WDR11: variants seen among roughly 807,000 people sequenced by gnomAD.
WDR11 encodes WD repeat-containing protein 11.
A neutral mutation model predicts 151.2 loss-of-function variants in WDR11; 83 were observed. The observed-to-expected ratio is 0.55, with a 90% CI of 0.46 to 0.66. WDR11 has a LOEUF of 0.66. WDR11 is among the 30% of genes least tolerant of loss of function. WDR11 has a pLI of 0.00. For synonymous variants in WDR11, 484 were observed against 533.1 expected (o/e 0.91, Z 1.27); for missense variants, 1,301 against 1,480.9 (o/e 0.88, Z 1.99).
In WDR11 at chr10:120,880,912, A is replaced by C. The variant is rs78670447; in HGVS notation, c.1739+11A>C. 8.1e-4 allele frequency: 1,280 copies of C among 1,581,536 alleles called. 14 individuals carry two copies. The East Asian group carries it at 0.026, about 32-fold the overall frequency. On this transcript the variant is annotated intron_variant, in intron 13 of 28. Coordinates refer to ENST00000263461, the MANE Select transcript of WDR11 (RefSeq NM_018117.12). Reference sequence around the variant, plus strand: ...AGTATCTCATTTGAAGTAAGTGTCAACCTAAAAAAAAATCTATGGTGTTAT... The same window carrying C: ...AGTATCTCATTTGAAGTAAGTGTCACCCTAAAAAAAAATCTATGGTGTTAT...
chr10:120,904,690 C>A lies in WDR11; in HGVS notation c.3072C>A (p.Asn1024Lys). The change falls in exon 25 of 29, where the codon AAC becomes AAA. Residue 1024 changes from asparagine to lysine, a missense_variant. Transcript: ENST00000263461. Reference protein sequence around the residue: ...VQLLLETSADNQHYYCDSLKA... With the variant: ...VQLLLETSADKQHYYCDSLKA... ...TGCTGTTGGAAACAAGTGCAGATAACCAGCATTATTACTGTGATTCACTGA... is the reference window on the plus strand; with the variant it reads ...TGCTGTTGGAAACAAGTGCAGATAAACAGCATTATTACTGTGATTCACTGA... 2 of 1,614,168 alleles carry A rather than the reference C, an allele frequency of 1.2e-6. No individual in the cohort carries two copies. Among genetic ancestry groups the A allele is most frequent in the Non-Finnish European group, 1.7e-6 (2 of 1,180,018 alleles).
intron 11 of WDR11, among the ~76,000 whole-genome samples, chr10:120,877,078 G>T (rs1035891445): frequency 1.3e-5 from 2 of 152,190 alleles, no homozygotes; most frequent in African/African-American, 4.8e-5. Flanking sequence ...TTCAAACACA[G>T]AAAGTTTTAA....
intron 10 of WDR11, among the ~76,000 whole-genome samples, chr10:120,871,937 T>C (rs1257813281): frequency 1.3e-5 from 2 of 152,340 alleles, no homozygotes; most frequent in East Asian, 1.9e-4. Context: ...CCTAATTTTC[T>C]TTACAGCATA....
intron 11 of WDR11, among the ~76,000 whole-genome samples, chr10:120,877,126 G>T (rs1044314113): frequency 1.3e-5 from 2 of 152,116 alleles, no homozygotes; most frequent in Non-Finnish European, 2.9e-5. Flanking sequence ...TTTAAGTAAG[G>T]TTTATTATCC....
chr10:120,868,006 C>T (rs1414293534), intron 9 of WDR11, among the ~76,000 whole-genome samples: 3 of 151,972 alleles, frequency 2.0e-5, no homozygotes, highest in Non-Finnish European at 4.4e-5. Context: ...GTAAATATGC[C>T]AAGCAATTTG....
intron 19 of WDR11, among the ~76,000 whole-genome samples, chr10:120,897,670 A>C (rs1028203499): frequency 1.3e-5 from 2 of 152,174 alleles, no homozygotes; most frequent in African/African-American, 4.8e-5. Flanking sequence ...AGGACTCTTC[A>C]AAAATGAAAA....
rs1848202161 is a variant in WDR11, at chr10:120,909,347, AAT to A, written c.*635_*636del. 1 of 153,310 alleles carries A rather than the reference AAT, an allele frequency of 6.5e-6. No individual in the cohort carries two copies. Among genetic ancestry groups the A allele is most frequent in the Non-Finnish European group, 1.5e-5 (1 of 68,656 alleles). The allele number at this position is 153,310 out of a possible 1,614,324, so 9.5% of individuals were successfully genotyped here. A position where few individuals can be genotyped will look rare whatever the true frequency, so the allele number is the denominator to read the frequency against. On this transcript the variant is annotated 3_prime_UTR_variant, in exon 29 of 29. Coordinates refer to ENST00000263461, the MANE Select transcript of WDR11 (RefSeq NM_018117.12). ...GATAGGTGAGGTCTTTGATATTTTG[AAT>A]TTTAACTCCTTTTATGATACATCAC...
chr10:120,868,632 T>G (rs1776348808), intron 9 of WDR11: 1 of 152,134 alleles, frequency 6.6e-6, no homozygotes, highest in African/African-American at 2.4e-5. Flanking sequence ...CCCAGAGAGA[T>G]TAAAACTTTA....
chr10:120,901,109 C>A lies in WDR11; in HGVS notation c.2687+11C>A. On this transcript the variant is annotated intron_variant, in intron 21 of 28. Coordinates refer to ENST00000263461, the MANE Select transcript of WDR11 (RefSeq NM_018117.12). Reference sequence around the variant, plus strand: ...GAATTCATTGTCTAAGTAAGCACTCCATGTTTCATTAGAAGATAGGAATAT... The same window carrying A: ...GAATTCATTGTCTAAGTAAGCACTCAATGTTTCATTAGAAGATAGGAATAT... 1.3e-6 allele frequency: 2 copies of A among 1,592,684 alleles called. No homozygotes were observed. The highest frequency in any genetic ancestry group is 1.7e-6 in the Non-Finnish European group (2 of 1,160,880).
intron 14 of WDR11, among the ~76,000 whole-genome samples, chr10:120,885,278 T>TAC (rs1847177818): frequency 8.4e-6 from 1 of 119,228 alleles, no homozygotes; most frequent in Non-Finnish European, 1.8e-5. Flanking sequence ...GAAGTATATA[T>TAC]ATATATATAC....
chr10:120,868,783 A>C (rs1846409913), intron 9 of WDR11: 1 of 152,064 alleles, frequency 6.6e-6, no homozygotes, highest in Non-Finnish European at 1.5e-5. Flanking sequence ...ATTCATCTCT[A>C]GGCCTCAGTT....
In WDR11 at chr10:120,871,345, T is replaced by C; in HGVS notation, c.1470T>C (p.Val490=). The change falls in exon 10 of 29, where the codon GTT becomes GTC. Residue 490 remains valine (V), a splice_region_variant and synonymous_variant. Transcript: ENST00000263461. The stretch of plus-strand genomic sequence containing the variant: ...AGATGTATCAGCCACTGCTGGCTGT[T>C]GGTGAGTATTTGACCTGGTCTTTTT... ...NIKMYQPLLA[V]GTSNGSVLVY... 6.2e-7 allele frequency: 1 copy of C among 1,613,998 alleles called. No individual in the cohort carries two copies. The highest frequency in any genetic ancestry group is 8.5e-7 in the Non-Finnish European group (1 of 1,179,958).
chr10:120,862,216 C>G (rs562290099), intron 4 of WDR11, among the ~76,000 whole-genome samples: 2 of 151,926 alleles, frequency 1.3e-5, no homozygotes, highest in South Asian at 4.2e-4. Context: ...TCTCGGCTCA[C>G]TGCAACCTCC....
At chr10:120,891,443 A>G (rs943723037) in intron 19 of WDR11, among the ~76,000 whole-genome samples, 2 of 152,140 alleles carry the variant, frequency 1.3e-5, no homozygotes, top group Admixed American at 6.5e-5. Flanking sequence ...TTTTAGTAGA[A>G]TATACTCCAT....
Position 120,873,886 on chromosome 10 carries a change from C to T in WDR11, c.1519C>T (p.Leu507=). 3 of 1,613,226 alleles carry T rather than the reference C, an allele frequency of 1.9e-6. No individual in the cohort carries two copies. Among genetic ancestry groups the T allele is most frequent in the Non-Finnish European group, 2.5e-6 (3 of 1,179,374 alleles). ...VLVYHLTSGL[L]HKELSIHSCE... is the part of the protein sequence containing the mutation. ...GGTGTACCATCTCACCAGTGGTCTG[C>T]TACACAAAGAGTTAAGCATCCACTC... The change falls in exon 11 of 29, where the codon CTA becomes TTA. Residue 507 remains leucine, a synonymous_variant. Transcript: ENST00000263461.
chr10:120,888,006 T>C (rs2133788703), intron 16 of WDR11, among the ~76,000 whole-genome samples: 1 of 152,302 alleles, frequency 6.6e-6, no homozygotes, highest in Middle Eastern at 3.4e-3. Flanking sequence ...TTCTTGACTA[T>C]TACCAGAGTT....
chr10:120,897,628 A>G (rs551544376), intron 19 of WDR11, among the ~76,000 whole-genome samples: 2 of 152,346 alleles, frequency 1.3e-5, no homozygotes, highest in South Asian at 4.1e-4. Context: ...CAGACAAGTT[A>G]GAACGTAGGG....
At chr10:120,890,140 T>C (rs1847377904) in intron 18 of WDR11, 131 bp downstream of exon 18, 2 of 669,556 alleles carry the variant, frequency 3.0e-6, no homozygotes, top group Admixed American at 2.3e-5. Flanking sequence ...CATAACAAAT[T>C]ATTTTCTTTA....
At position 120,860,324 on chromosome 10, in the gene WDR11, T is replaced by A. The variant is rs1319126757; in HGVS notation, c.526+42T>A. The A allele has an allele frequency of 3.1e-6, 5 of 1,593,190 alleles. No individual in the cohort carries two copies. The South Asian group carries it at 5.5e-5, about 18-fold the overall frequency. ...TGTGGAAAATGAGTTAAGTGAGATATTTATAATATAGTAATGCTATGTGCA... is the reference window on the plus strand; with the variant it reads ...TGTGGAAAATGAGTTAAGTGAGATAATTATAATATAGTAATGCTATGTGCA... On this transcript the variant is annotated intron_variant, in intron 4 of 28. Coordinates refer to ENST00000263461, the MANE Select transcript of WDR11 (RefSeq NM_018117.12).
Sources: gnomAD v4.1 joint callset for allele counts (sites outside exome capture counted in the v4.1 genomes callset) on GRCh38, gnomAD v4.1.1 for gene constraint, MANE v1.5 for transcripts, NCBI Gene and HGNC (gene_info 2026-07-23, HGNC 2026-07-21) for gene names.